Variants in TMOD3 observed in about 807,000 individuals in gnomAD.
TMOD3 encodes tropomodulin-3.
A neutral mutation model predicts 39.2 loss-of-function variants in TMOD3; 20 were observed. The observed-to-expected ratio is 0.51, with a 90% CI of 0.36 to 0.74. TMOD3 has a LOEUF of 0.74. Ranked by LOEUF, TMOD3 falls within the 30% of genes least tolerant of loss-of-function variation. The probability of loss-of-function intolerance (pLI) is 0.00; values close to 1 mark genes in which losing one functional copy is unlikely to be tolerated. For missense variants in TMOD3, 381 were observed against 412.8 expected (o/e 0.92, Z 0.67); for synonymous variants, 143 against 145.8 (o/e 0.98, Z 0.14).
At chr15:51,844,236 G>A (rs1026512227) in intron 1 of TMOD3, among the ~76,000 whole-genome samples, 1 of 152,088 alleles carries the variant, frequency 6.6e-6, no homozygotes, top group African/African-American at 2.4e-5. Flanking sequence ...TTATTCTCAA[G>A]CACTTATTTT....
intron 3 of TMOD3, among the ~76,000 whole-genome samples, chr15:51,881,551 T>C (rs1476105776): frequency 1.4e-5 from 1 of 70,898 alleles, no homozygotes; most frequent in Non-Finnish European, 2.5e-5. Context: ...TCTTTATTTC[T>C]TTTTTTTTTT....
chr15:51,889,668 A>G (rs1161093602), intron 5 of TMOD3, among the ~76,000 whole-genome samples: 1 of 152,030 alleles, frequency 6.6e-6, no homozygotes, highest in East Asian at 1.9e-4. Flanking sequence ...CCAGGAGTTC[A>G]GGACCAGCAT....
At chr15:51,857,058 A>C (rs1467529789) in intron 1 of TMOD3, among the ~76,000 whole-genome samples, 1 of 152,246 alleles carries the variant, frequency 6.6e-6, no homozygotes, top group East Asian at 1.9e-4. Context: ...ATAGAAATGA[A>C]AAGAAAGTAG....
At chr15:51,899,874 A>G (rs2448948) in intron 7 of TMOD3, among the ~76,000 whole-genome samples, 56,939 of 152,052 alleles carry the variant, frequency 0.37, 10,920 homozygotes, top group Middle Eastern at 0.43. Flanking sequence ...AATGAAAAGT[A>G]TACAGGAGCA....
At chr15:51,860,800 G>T (rs2056413778) in intron 1 of TMOD3, among the ~76,000 whole-genome samples, 1 of 152,164 alleles carries the variant, frequency 6.6e-6, no homozygotes, top group South Asian at 2.1e-4. Flanking sequence ...GCCGGGCCTG[G>T]TGGCAGGCGC....
intron 9 of TMOD3, among the ~76,000 whole-genome samples, chr15:51,907,561 C>G (rs2056688425): frequency 1.3e-5 from 2 of 152,194 alleles, no homozygotes; most frequent in Non-Finnish European, 1.5e-5. Context: ...GCCAGGACAC[C>G]AGGTGTACCT....
chr15:51,882,734 A>G (rs1425629964), intron 3 of TMOD3, among the ~76,000 whole-genome samples: 1 of 152,050 alleles, frequency 6.6e-6, no homozygotes, highest in Non-Finnish European at 1.5e-5. Context: ...AAATTTTAAC[A>G]TTGGGAAGTG....
intron 8 of TMOD3, among the ~76,000 whole-genome samples, chr15:51,900,700 AT>A (rs1332887275): frequency 2.0e-5 from 3 of 152,222 alleles, no homozygotes; most frequent in Non-Finnish European, 4.4e-5. Context: ...ATTTGAAAAA[AT>A]AACTCCATTT....
intron 1 of TMOD3, among the ~76,000 whole-genome samples, chr15:51,839,779 A>G (rs955587165): frequency 6.6e-6 from 1 of 152,156 alleles, no homozygotes; most frequent in Non-Finnish European, 1.5e-5. Context: ...TATCATTTGG[A>G]AATTTTCTAA....
intron 3 of TMOD3, among the ~76,000 whole-genome samples, chr15:51,883,155 G>A (rs1022806484): frequency 1.3e-5 from 2 of 152,166 alleles, no homozygotes; most frequent in African/African-American, 4.8e-5. Flanking sequence ...AGGAGTGCCA[G>A]AAGAGGTGCC....
At chr15:51,863,052 A>G (rs2056427367) in intron 2 of TMOD3, 42 bp downstream of exon 2, 4 of 1,587,848 alleles carry the variant, frequency 2.5e-6, no homozygotes, top group Non-Finnish European at 3.4e-6. Flanking sequence ...AACTTTTCGA[A>G]TTCTTTGAAA....
intron 1 of TMOD3, among the ~76,000 whole-genome samples, chr15:51,855,442 A>C (rs191560493): frequency 3.6e-4 from 55 of 152,374 alleles, no homozygotes; most frequent in African/African-American, 1.2e-3. Flanking sequence ...TTAAGAAGGA[A>C]AATAGTCTGA....
chr15:51,899,113 G>A (rs2056636143), intron 7 of TMOD3: 1 of 152,142 alleles, frequency 6.6e-6, no homozygotes, highest in Admixed American at 6.5e-5. Flanking sequence ...CTTCTGCCTT[G>A]ACCATTTCTT....
chr15:51,894,516 C>T (rs968089399), intron 6 of TMOD3, among the ~76,000 whole-genome samples: 1 of 152,188 alleles, frequency 6.6e-6, no homozygotes, highest in African/African-American at 2.4e-5. Flanking sequence ...CACCATTACA[C>T]TCAAGATATA....
In TMOD3 at chr15:51,908,872, A is replaced by G. The variant is rs888235768; in HGVS notation, c.*62A>G. ...ATCACCAAGGGCTCATGTTGGTGAC[A>G]TCATGTAAAATTTTCCTGGGTAGAA... On this transcript the variant is annotated 3_prime_UTR_variant, in exon 10 of 10. Transcript: ENST00000308580. 9.2e-6 allele frequency: 13 copies of G among 1,418,570 alleles called. No individual in the cohort carries two copies. The highest frequency in any genetic ancestry group is 1.2e-5 in the Non-Finnish European group (13 of 1,051,500). 87.9% of individuals were successfully genotyped at this position (1,418,570 alleles called of 1,614,324 possible).
Position 51,913,906 on chromosome 15 carries a change from G to C in TMOD3, c.*5096G>C, listed in dbSNP as rs370025097. 6.6e-6 allele frequency: 1 copy of C among 151,620 alleles called. No individual in the cohort carries two copies. Among genetic ancestry groups the C allele is most frequent in the Non-Finnish European group, 1.5e-5 (1 of 68,012 alleles). 9.4% of individuals were successfully genotyped at this position (151,620 alleles called of 1,614,324 possible). A position where few individuals can be genotyped will look rare whatever the true frequency, so the allele number is the denominator to read the frequency against. On this transcript the variant is annotated 3_prime_UTR_variant, in exon 10 of 10. Transcript: ENST00000308580. ...CGCATGCCTGTAGTCCCATCTACTCGGAAGACTGAGGCAGCAGAACCGCTT... is the reference window on the plus strand; with the variant it reads ...CGCATGCCTGTAGTCCCATCTACTCCGAAGACTGAGGCAGCAGAACCGCTT...
chr15:51,853,226 G>C (rs1221693487), intron 1 of TMOD3, among the ~76,000 whole-genome samples: 1 of 152,126 alleles, frequency 6.6e-6, no homozygotes, highest in Non-Finnish European at 1.5e-5. Flanking sequence ...TTTTAAGACA[G>C]AGTCTCACTC....
At chr15:51,905,670 G>C (rs1023452537) in intron 9 of TMOD3, among the ~76,000 whole-genome samples, 15 of 152,168 alleles carry the variant, frequency 9.9e-5, no homozygotes, top group African/African-American at 3.6e-4. Flanking sequence ...TGCTCTATTA[G>C]AGTTAGAAAA....
At position 51,876,720 on chromosome 15, in the gene TMOD3, C is replaced by G. The variant is rs191212792; in HGVS notation, c.283+7347C>G. Among the ~76,000 whole-genome samples the G allele has an allele frequency of 7.5e-3, 1,143 of 152,080 alleles. 17 individuals carry two copies. The highest frequency in any genetic ancestry group is 0.026 in the African/African-American group (1,097 of 41,488). On this transcript the variant is annotated intron_variant, in intron 3 of 9. Coordinates refer to ENST00000308580, the MANE Select transcript of TMOD3 (RefSeq NM_014547.5). ...TCGTGATCCACCTGCCTCAGCCTCC[C>G]AAAGTGCTGGGATTACAGGCATGAG...
Sources: gnomAD v4.1 joint callset for allele counts (sites outside exome capture counted in the v4.1 genomes callset) on GRCh38, gnomAD v4.1.1 for gene constraint, MANE v1.5 for transcripts, NCBI Gene and HGNC (gene_info 2026-07-23, HGNC 2026-07-21) for gene names.